SELENOO: variants seen among roughly 807,000 people sequenced by gnomAD.
SELENOO encodes the protein selenoprotein O, also known as protein adenylyltransferase SelO, mitochondrial.
A neutral mutation model predicts 58.7 loss-of-function variants in SELENOO; 74 were observed. The observed-to-expected ratio is 1.26, with a 90% CI of 1.04 to 1.53. The LOEUF is 1.53. Among genes scored for constraint, SELENOO ranks in the 40% most tolerant of loss-of-function variants. The probability of loss-of-function intolerance (pLI) is 0.00; values close to 1 mark genes in which losing one functional copy is unlikely to be tolerated. For missense variants in SELENOO, 1,149 were observed against 970.0 expected (o/e 1.18, Z -2.45); for synonymous variants, 543 against 453.2 (o/e 1.20, Z -2.52).
intron 5 of SELENOO, among the ~76,000 whole-genome samples, chr22:50,214,825 T>C (rs926053044): frequency 6.6e-6 from 1 of 152,254 alleles, no homozygotes; most frequent in African/African-American, 2.4e-5. Context: ...TTTAGGTTAC[T>C]CTTTGCCTGG....
chr22:50,212,199 GAGA>G (rs2064375527), intron 5 of SELENOO, among the ~76,000 whole-genome samples: 1 of 152,186 alleles, frequency 6.6e-6, no homozygotes, highest in South Asian at 2.1e-4. Context: ...TTCAAAGTTT[GAGA>G]AGGATTGCCA....
intron 2 of SELENOO, among the ~76,000 whole-genome samples, chr22:50,207,304 A>G (rs983409178): frequency 1.3e-5 from 2 of 151,992 alleles, no homozygotes; most frequent in African/African-American, 4.8e-5. Context: ...TTATATTTTT[A>G]GTACAGACAG....
At chr22:50,205,923 C>T (rs919076834) in intron 1 of SELENOO, 4 of 231,856 alleles carry the variant, frequency 1.7e-5, no homozygotes, top group Admixed American at 1.1e-4. Flanking sequence ...GCTCATTCCT[C>T]AGCTGGCCCG....
intron 2 of SELENOO, among the ~76,000 whole-genome samples, chr22:50,207,094 C>T (rs527573340): frequency 2.9e-4 from 44 of 152,268 alleles, no homozygotes; most frequent in Non-Finnish European, 6.3e-4. Context: ...AGGCTGGCTC[C>T]TGTCTGACGT....
In SELENOO at chr22:50,210,877, G is replaced by T; in HGVS notation, c.1317G>T (p.Leu439=). The T allele has an allele frequency of 6.2e-7, 1 of 1,614,116 alleles. No individual in the cohort carries two copies. The highest frequency in any genetic ancestry group is 8.5e-7 in the Non-Finnish European group (1 of 1,180,024). ...TGGAGCTGGAGGAAGACGGGGCGCT[G>T]GTGTCCAAGCTCCTGGAGACCATGC... ...VQVELEEDGA[L]VSKLLETMHL... Residue 439 remains leucine, a synonymous_variant, in exon 5 of 9, where the codon CTG becomes CTT. Transcript: ENST00000380903.
At chr22:50,210,472 G>T (rs576923293) in intron 4 of SELENOO, among the ~76,000 whole-genome samples, 159 bp from the exon 5 acceptor site, 1 of 152,276 alleles carries the variant, frequency 6.6e-6, no homozygotes, top group South Asian at 2.1e-4. Context: ...AATCCCGGAG[G>T]CCTTGGCCAG....
Position 50,210,682 on chromosome 22 carries a change from G to T in SELENOO, c.1122G>T (p.Ala374=). 6.2e-7 allele frequency: 1 copy of T among 1,613,298 alleles called. No homozygotes were observed. Among genetic ancestry groups the T allele is most frequent in the African/African-American group, 1.3e-5 (1 of 75,082 alleles). ...CNASDNTGRY[A]YSKQPEVCRW... ...CCTCCGACAACACCGGCCGCTACGC[G>T]TACAGCAAGCAGCCCGAGGTGTGCA... The change falls in exon 5 of 9, where the codon GCG becomes GCT. Residue 374 remains alanine (A), a synonymous_variant. Coordinates refer to ENST00000380903, the MANE Select transcript of SELENOO (RefSeq NM_031454.2).
At chr22:50,203,226 T>C (rs571581975) in intron 1 of SELENOO, among the ~76,000 whole-genome samples, 1 of 152,108 alleles carries the variant, frequency 6.6e-6, no homozygotes, top group Non-Finnish European at 1.5e-5. Context: ...TATTTTTTTT[T>C]ATTAGCTGGG....
chr22:50,208,822 C>A, intron 3 of SELENOO, 106 bp downstream of exon 3: 3 of 1,106,340 alleles, frequency 2.7e-6, no homozygotes, highest in Non-Finnish European at 3.9e-6. Context: ...TTTACCCAGC[C>A]TCCCCGCCCT....
At chr22:50,210,115 A>G in intron 3 of SELENOO, 66 bp from the exon 4 acceptor site, 1 of 1,566,038 alleles carries the variant, frequency 6.4e-7, no homozygotes, top group South Asian at 1.1e-5. Context: ...GAGGGGAAGG[A>G]TGGACACGAG....
intron 1 of SELENOO, among the ~76,000 whole-genome samples, chr22:50,204,990 G>A (rs1332073068): frequency 6.6e-6 from 1 of 152,260 alleles, no homozygotes; most frequent in Admixed American, 6.5e-5. Flanking sequence ...GCTGGTCACA[G>A]AGAGACAAAT....
chr22:50,211,009 C>T, intron 5 of SELENOO, 98 bp downstream of exon 5: 4 of 1,324,582 alleles, frequency 3.0e-6, no homozygotes, highest in South Asian at 1.3e-5. Context: ...TGCACAGTCA[C>T]TCCCTGGGCC....
chr22:50,212,684 T>C (rs997576446), intron 5 of SELENOO, among the ~76,000 whole-genome samples: 1 of 152,252 alleles, frequency 6.6e-6, no homozygotes, highest in Non-Finnish European at 1.5e-5. Flanking sequence ...AAACCCTTCA[T>C]GTAAGTGGAG....
intron 5 of SELENOO, 113 bp downstream of exon 5, chr22:50,211,024 C>G (rs533129929): frequency 3.4e-5 from 37 of 1,095,804 alleles, no homozygotes; most frequent in Non-Finnish European, 3.8e-5. Flanking sequence ...TGGGCCCACC[C>G]CAGCCCTGGC....
intron 6 of SELENOO, 82 bp from the exon 7 acceptor site, chr22:50,216,609 G>T: frequency 1.5e-6 from 2 of 1,316,466 alleles, no homozygotes; most frequent in Non-Finnish European, 2.1e-6. Flanking sequence ...CCGTGAGAGC[G>T]GGCTGGGGCA....
At chr22:50,206,053 TGGGCAGGAAGAC>T (rs2064330857) in intron 1 of SELENOO, 2 of 550,150 alleles carry the variant, frequency 3.6e-6, no homozygotes, top group Admixed American at 6.3e-5. Context: ...ACCCTCGTTC[TGGGCAGGAAGAC>T]GGGCTGCTGC....
chr22:50,201,193 C>G lies in SELENOO; in HGVS notation c.157C>G (p.Arg53Gly), dbSNP rs2064296385. ...GCTGGCGGGGCTGCGCTTCGACAAC[C>G]GCGCCCTGCGCGCCCTGCCCGTGGA... ...RWLAGLRFDN[R>G]ALRALPVEAP... Residue 53 changes from arginine (R) to glycine (G), a missense_variant, in exon 1 of 9, where the codon CGC becomes GGC. Transcript: ENST00000380903. 5 of 1,199,288 alleles carry G rather than the reference C, an allele frequency of 4.2e-6. No homozygotes were observed. In the South Asian group the frequency reaches 1.6e-4, roughly 38 times the overall value. The allele number at this position is 1,199,288 out of a possible 1,614,324, so 74.3% of individuals were successfully genotyped here. A position where few individuals can be genotyped will look rare whatever the true frequency, so the allele number is the denominator to read the frequency against.
chr22:50,210,238 G>A lies in SELENOO; in HGVS notation c.997G>A (p.Gly333Ser), dbSNP rs766429758. The A allele has an allele frequency of 3.2e-5, 52 of 1,613,326 alleles. No individual in the cohort carries two copies. Among genetic ancestry groups the A allele is most frequent in the African/African-American group, 2.7e-4 (20 of 74,918 alleles). ...GTGGCAGTGTGTGGGCTTCTGCCAC[G>A]GCGTGCTCAACACCGACAACATGAG... ...AEWQCVGFCH[G>S]VLNTDNMSIL... Residue 333 changes from glycine to serine, a missense_variant, in exon 4 of 9, where the codon GGC (glycine) becomes AGC (serine). Gly to Ser is a moderately conservative substitution (Grantham distance 56). Coordinates refer to ENST00000380903, the MANE Select transcript of SELENOO (RefSeq NM_031454.2).
At chr22:50,203,217 A>AT (rs1009634931) in intron 1 of SELENOO, among the ~76,000 whole-genome samples, 18 of 151,808 alleles carry the variant, frequency 1.2e-4, no homozygotes, top group East Asian at 7.7e-4. Flanking sequence ...TCAAAAAAAT[A>AT]TTTTTTTTTA....
Sources: allele counts gnomAD v4.1 joint callset (sites outside exome capture counted in the v4.1 genomes callset), GRCh38; gene constraint gnomAD v4.1.1; transcripts MANE v1.5; gene names NCBI Gene and HGNC (gene_info 2026-07-23, HGNC 2026-07-21).